The following LUC7L variants were observed in gnomAD, a reference collection of about 807,000 sequenced individuals.
LUC7L encodes LUC7 like.
In LUC7L, 29 loss-of-function variants were observed where a neutral mutation model predicts 51.1. The observed-to-expected ratio is 0.57, with a 90% CI of 0.42 to 0.77. The LOEUF is 0.77. Ranked by LOEUF, LUC7L falls within the 30% of genes least tolerant of loss-of-function variation. LUC7L has a pLI of 0.00. For missense variants in LUC7L, 403 were observed against 511.9 expected (o/e 0.79, Z 2.05); for synonymous variants, 181 against 180.7 (o/e 1.00, Z -0.01).
chr16:214,419 G>A (rs752079741), intron 3 of LUC7L, among the ~76,000 whole-genome samples: 1 of 152,196 alleles, frequency 6.6e-6, no homozygotes, highest in Non-Finnish European at 1.5e-5. Flanking sequence ...GAAGGGCAGA[G>A]TCTATCATAT....
chr16:223,568 A>G (rs1281175803), intron 2 of LUC7L, among the ~76,000 whole-genome samples: 1 of 152,184 alleles, frequency 6.6e-6, no homozygotes, highest in Non-Finnish European at 1.5e-5. Context: ...GGTCGGTTAC[A>G]TAGAAGACTT....
chr16:220,857 C>T, intron 2 of LUC7L, 110 bp from the exon 3 acceptor site: 1 of 690,892 alleles, frequency 1.4e-6, no homozygotes, highest in Admixed American at 2.6e-5. Context: ...ACTTTTGGAA[C>T]ACTGACACTG....
chr16:192,876 G>T, intron 7 of LUC7L, 51 bp downstream of exon 7: 1 of 1,468,596 alleles, frequency 6.8e-7, no homozygotes, highest in Non-Finnish European at 9.5e-7. Flanking sequence ...GGACCGAGCA[G>T]GGAATGCCCG....
At chr16:227,788 T>C (rs763032617) in intron 1 of LUC7L, 71 of 998,822 alleles carry the variant, frequency 7.1e-5, no homozygotes, top group Non-Finnish European at 8.2e-5. Flanking sequence ...TTGCCCAAAA[T>C]TGAATGAAGA....
intron 6 of LUC7L, among the ~76,000 whole-genome samples, chr16:193,442 GCC>G (rs765564739): frequency 2.0e-5 from 3 of 152,026 alleles, no homozygotes; most frequent in Non-Finnish European, 2.9e-5. Context: ...ACCGCGCCCG[GCC>G]AACACATTCA....
rs375395307 is a variant in LUC7L at position 193,071 on chromosome 16, A to C, written c.688-56T>G. On this transcript the variant is annotated intron_variant, in intron 6 of 9. Transcript: ENST00000293872. The stretch of plus-strand genomic sequence containing the variant: ...GCAAGTTACACAAACCAGAGTGTGA[A>C]TGCTACTTAACAAATCACCTTTATA... 1.9e-4 allele frequency: 260 copies of C among 1,354,678 alleles called. 1 individual carries two copies. In the African/African-American group the frequency reaches 3.5e-3, roughly 18 times the overall value. 83.9% of individuals were successfully genotyped at this position (1,354,678 alleles called of 1,614,324 possible). A position where few individuals can be genotyped will look rare whatever the true frequency, so the allele number is the denominator to read the frequency against.
intron 1 of LUC7L, chr16:228,169 C>A: frequency 8.1e-7 from 1 of 1,238,514 alleles, no homozygotes; most frequent in Non-Finnish European, 1.0e-6. Context: ...CAGAGCTGTG[C>A]AACGCTAGAG....
At chr16:218,110 T>C (rs2049859516) in intron 3 of LUC7L, among the ~76,000 whole-genome samples, 1 of 151,698 alleles carries the variant, frequency 6.6e-6, no homozygotes, top group Non-Finnish European at 1.5e-5. Flanking sequence ...GGAGAATCGC[T>C]TGAACCCAGG....
rs535303746 is a variant in LUC7L, at chr16:189,210, G to A, written c.1104C>T (p.Ala368=). ...CCGGGAGACGGGTTCAGATCTCGCC[G>A]GCCTCCTTCTCTTCTGACCTCCGTG... ...MASRRSEEKE[A]GEI is the part of the protein sequence containing the mutation. Residue 368 remains alanine, a synonymous_variant, in exon 10 of 10, where the codon GCC becomes GCT. Transcript: ENST00000293872. 36 of 1,613,370 alleles carry A rather than the reference G, an allele frequency of 2.2e-5. No individual in the cohort carries two copies. The highest frequency in any genetic ancestry group is 1.7e-4 in the Middle Eastern group (1 of 6,060).
intron 3 of LUC7L, among the ~76,000 whole-genome samples, chr16:215,450 C>G (rs562866270): frequency 1.3e-5 from 2 of 151,856 alleles, no homozygotes; most frequent in South Asian, 4.2e-4. Flanking sequence ...AAAACCCCGT[C>G]TCTACTAAAA....
intron 6 of LUC7L, among the ~76,000 whole-genome samples, chr16:196,718 G>C (rs2049159056): frequency 6.6e-6 from 1 of 151,932 alleles, no homozygotes; most frequent in South Asian, 2.1e-4. Flanking sequence ...AGTAGAGACA[G>C]GGTTTTGCTA....
chr16:194,319 C>A (rs188162367), intron 6 of LUC7L, among the ~76,000 whole-genome samples: 1 of 152,194 alleles, frequency 6.6e-6, no homozygotes. Context: ...GTTGCCCAGG[C>A]TGAGCTTGAA....
At chr16:227,085 T>C (rs534486755) in intron 2 of LUC7L, among the ~76,000 whole-genome samples, 157 bp downstream of exon 2, 1 of 152,154 alleles carries the variant, frequency 6.6e-6, no homozygotes, top group African/African-American at 2.4e-5. Flanking sequence ...CATGCATGCA[T>C]GCAAACATAC....
intron 5 of LUC7L, among the ~76,000 whole-genome samples, chr16:202,059 T>A (rs191657730): frequency 6.6e-6 from 1 of 152,044 alleles, no homozygotes; most frequent in Non-Finnish European, 1.5e-5. Flanking sequence ...TTTAATTTCT[T>A]TGTAAAGATG....
In LUC7L at chr16:190,654, G is replaced by A. The variant is rs1391774817; in HGVS notation, c.777-84C>T. On this transcript the variant is annotated intron_variant, in intron 7 of 9. Coordinates refer to ENST00000293872, the MANE Select transcript of LUC7L (RefSeq NM_201412.3). ...CAGCACTTCGGGGAGGCCTAGGCAG[G>A]CAATCACCTGAGGTCACGAGCTGGA... 6 of 1,237,048 alleles carry A rather than the reference G, an allele frequency of 4.9e-6. No individual in the cohort carries two copies. The Admixed American group carries it at 8.7e-5, about 18-fold the overall frequency. The allele number at this position is 1,237,048 out of a possible 1,614,324, so 76.6% of individuals were successfully genotyped here.
intron 5 of LUC7L, among the ~76,000 whole-genome samples, chr16:202,068 T>C (rs2049349783): frequency 6.6e-6 from 1 of 151,988 alleles, no homozygotes; most frequent in Admixed American, 6.6e-5. Context: ...TTTGTAAAGA[T>C]GGGGTATCCC....
chr16:220,427 C>G, intron 3 of LUC7L: 1 of 447,022 alleles, frequency 2.2e-6, no homozygotes, highest in African/African-American at 2.0e-5. Flanking sequence ...TTTTTAAAAG[C>G]AACAAAATGA....
intron 1 of LUC7L, 188 bp downstream of exon 1, chr16:229,091 C>T (rs779362465): frequency 1.4e-6 from 2 of 1,410,908 alleles, no homozygotes; most frequent in Non-Finnish European, 1.8e-6. Context: ...CCGACCTGGA[C>T]CCACGGCCGC....
chr16:200,699 C>T (rs936898247), intron 5 of LUC7L, among the ~76,000 whole-genome samples: 1 of 152,108 alleles, frequency 6.6e-6, no homozygotes, highest in African/African-American at 2.4e-5. Flanking sequence ...CTGAGCAACA[C>T]AGCAAGACTC....
Sources: gnomAD v4.1 joint callset for allele counts (sites outside exome capture counted in the v4.1 genomes callset) on GRCh38, gnomAD v4.1.1 for gene constraint, MANE v1.5 for transcripts, NCBI Gene and HGNC (gene_info 2026-07-23, HGNC 2026-07-21) for gene names.